Variants in KSR2 observed in about 807,000 individuals in gnomAD.
KSR2 encodes the protein kinase suppressor of ras 2.
Under a neutral mutation model 107.8 loss-of-function variants are expected in KSR2, and 25 were observed. The ratio of observed to expected loss-of-function variants is 0.23; its 90% CI spans 0.17 to 0.32. The LOEUF is 0.32. KSR2 is among the 10% of genes least tolerant of loss of function. The pLI, the probability that KSR2 is intolerant of heterozygous loss-of-function variation, is 1.00. For missense variants in KSR2, 887 were observed against 1,268.9 expected, an observed-to-expected ratio of 0.70 and a Z score of 4.57; for synonymous variants, 480 against 507.0, an observed-to-expected ratio of 0.95 and a Z score of 0.71.
At chr12:117,812,486 T>C (rs988846848) in intron 3 of KSR2, among the ~76,000 whole-genome samples, 1 of 152,180 alleles carries the variant, frequency 6.6e-6, no homozygotes, top group African/African-American at 2.4e-5. Context: ...GAGAGCCAAG[T>C]CCAATTCATT....
At chr12:117,493,343 A>T (rs1411163775) in intron 14 of KSR2, among the ~76,000 whole-genome samples, 2 of 151,810 alleles carry the variant, frequency 1.3e-5, no homozygotes, top group East Asian at 3.9e-4. Flanking sequence ...ACTCCCCAGC[A>T]CTCTCTGGAT....
chr12:117,774,546 C>G (rs77642513), intron 3 of KSR2, among the ~76,000 whole-genome samples: 11,451 of 152,210 alleles, frequency 0.075, 466 homozygotes, highest in East Asian at 0.12. Context: ...ATGCCTCCCA[C>G]GTCCTGCTCT....
chr12:117,495,291 A>C (rs1198757734), intron 14 of KSR2, among the ~76,000 whole-genome samples: 5 of 152,228 alleles, frequency 3.3e-5, no homozygotes. Context: ...ATCAAATTCC[A>C]GCCTCCGGCA....
chr12:117,542,198 T>C (rs1876544688), intron 9 of KSR2, among the ~76,000 whole-genome samples: 1 of 152,170 alleles, frequency 6.6e-6, no homozygotes, highest in Admixed American at 6.5e-5. Context: ...GGCCTCCTTA[T>C]CCTTAACATG....
chr12:117,564,225 T>C (rs1276943610), intron 7 of KSR2, among the ~76,000 whole-genome samples: 2 of 152,164 alleles, frequency 1.3e-5, no homozygotes, highest in South Asian at 4.1e-4. Context: ...AGGAGCCCCA[T>C]GTTTCAAGAT....
chr12:117,737,322 T>C (rs1332009250), intron 4 of KSR2, among the ~76,000 whole-genome samples: 2 of 152,194 alleles, frequency 1.3e-5, no homozygotes, highest in African/African-American at 4.8e-5. Context: ...TCAAAGAGTA[T>C]GTTTATGTAA....
rs78693364 is a variant in KSR2 at position 117,776,996 on chromosome 12, G to A, written c.473-15472C>T. Among the ~76,000 whole-genome samples, 1,113 of 150,850 alleles carry A rather than the reference G, an allele frequency of 7.4e-3. 13 individuals carry two copies. The highest frequency in any genetic ancestry group is 0.022 in the African/African-American group (883 of 40,982). The stretch of plus-strand genomic sequence containing the variant: ...GAGAGATATGTGGTTAGGTTCCTGC[G>A]AGCCTCTGGTCATCTTATCATCCAC... On this transcript the variant is annotated intron_variant, in intron 3 of 19. Transcript: ENST00000339824.
chr12:117,964,121 C>T (rs7964346), intron 1 of KSR2, among the ~76,000 whole-genome samples: 50,043 of 151,938 alleles, frequency 0.33, 10,162 homozygotes, highest in African/African-American at 0.58. Context: ...CTACTAAAAA[C>T]ACAAAAATTA....
intron 14 of KSR2, among the ~76,000 whole-genome samples, chr12:117,510,493 C>T (rs1442283718): frequency 6.6e-6 from 1 of 152,178 alleles, no homozygotes; most frequent in Non-Finnish European, 1.5e-5. Context: ...TAACTCCATA[C>T]CCAATATTCT....
chr12:117,515,858 G>T (rs571355777), intron 14 of KSR2, among the ~76,000 whole-genome samples: 8 of 152,302 alleles, frequency 5.3e-5, no homozygotes, highest in African/African-American at 1.9e-4. Flanking sequence ...TCCAGGAGGC[G>T]CAGGTTGCAG....
At chr12:117,761,657 AC>A in intron 3 of KSR2, 133 bp from the exon 4 acceptor site, 1 of 821,848 alleles carries the variant, frequency 1.2e-6, no homozygotes, top group Non-Finnish European at 2.0e-6. Flanking sequence ...TACACTATAT[AC>A]CTGTTACATC....
chr12:117,588,481 A>G (rs1201377998), intron 5 of KSR2, among the ~76,000 whole-genome samples: 1 of 152,206 alleles, frequency 6.6e-6, no homozygotes, highest in Non-Finnish European at 1.5e-5. Flanking sequence ...TGTATCCCCA[A>G]GTGTTGAGCT....
intron 7 of KSR2, among the ~76,000 whole-genome samples, chr12:117,577,941 G>T (rs1291387903): frequency 6.6e-6 from 1 of 152,212 alleles, no homozygotes; most frequent in East Asian, 1.9e-4. Context: ...TCAGGCAGCT[G>T]CCAAGTAGCA....
intron 3 of KSR2, among the ~76,000 whole-genome samples, chr12:117,767,114 TGA>T (rs374806903): frequency 2.9e-4 from 44 of 151,726 alleles, no homozygotes; most frequent in African/African-American, 1.0e-3. Context: ...AGAGTTATTT[TGA>T]GAGAGGAAAA....
chr12:117,956,771 A>T (rs191888036), intron 1 of KSR2, among the ~76,000 whole-genome samples: 93 of 152,092 alleles, frequency 6.1e-4, no homozygotes, highest in Non-Finnish European at 9.7e-4. Flanking sequence ...CTCTTAAAAA[A>T]ATTTTTTTTA....
chr12:117,456,026 G>A lies in KSR2; in HGVS notation c.*11173C>T, dbSNP rs1251098710. ...TGCTCCAAGCCTTGGGGCTTTATGA[G>A]GATTGATTCCAGACGCAAAGTCAGG... is the stretch of plus-strand genomic sequence containing the variant. On this transcript the variant is annotated 3_prime_UTR_variant, in exon 20 of 20. Transcript: ENST00000339824. 1 of 152,226 alleles carries A rather than the reference G, an allele frequency of 6.6e-6. No individual in the cohort carries two copies. The highest frequency in any genetic ancestry group is 1.5e-5 in the Non-Finnish European group (1 of 68,056). The allele number at this position is 152,226 out of a possible 1,614,324, so 9.4% of individuals were successfully genotyped here. A position where few individuals can be genotyped will look rare whatever the true frequency, so the allele number is the denominator to read the frequency against.
intron 4 of KSR2, among the ~76,000 whole-genome samples, chr12:117,707,028 T>TTG (rs1886555645): frequency 1.3e-5 from 2 of 152,182 alleles, no homozygotes; most frequent in African/African-American, 4.8e-5. Context: ...GTATGTATAT[T>TTG]TGTGTGTGTG....
intron 3 of KSR2, among the ~76,000 whole-genome samples, chr12:117,762,860 C>T (rs1218114063): frequency 1.3e-5 from 2 of 150,776 alleles, no homozygotes; most frequent in Non-Finnish European, 2.9e-5. Context: ...AAGAGTGAAA[C>T]TCAGTCTCAA....
Position 117,484,435 on chromosome 12 carries a change from C to T in KSR2, c.2431G>A (p.Gly811Arg). 3 of 1,613,978 alleles carry T rather than the reference C, an allele frequency of 1.9e-6. No individual in the cohort carries two copies. Among genetic ancestry groups the T allele is most frequent in the Middle Eastern group, 1.6e-4 (1 of 6,062 alleles). ...TCTCACCTGCCAGCCTGCAGCACCC[C>T]AGAAATGCTGAAGAGTCCAAAGTCC... ...ITDFGLFSIS[G>R]VLQAGRREDK... The change falls in exon 16 of 20, where the codon GGG becomes AGG. Residue 811 changes from glycine to arginine, a missense_variant. Around this residue, in one of 8 missense-constraint regions of KSR2, gnomAD observed 308 missense variants for 506.2 expected, o/e 0.61. Coordinates refer to ENST00000339824, the MANE Select transcript of KSR2 (RefSeq NM_173598.6).
Sources: allele counts gnomAD v4.1 joint callset (sites outside exome capture counted in the v4.1 genomes callset), GRCh38; gene constraint gnomAD v4.1.1; regional missense constraint gnomAD v4.1.1; transcripts MANE v1.5; gene names NCBI Gene and HGNC (gene_info 2026-07-23, HGNC 2026-07-21).